RP9: variants seen among roughly 807,000 people sequenced by gnomAD.
The protein encoded by RP9 is RP9 pre-mRNA splicing factor.
In RP9, 23 loss-of-function variants were observed where a neutral mutation model predicts 32.6. The ratio of observed to expected loss-of-function variants is 0.71; its 90% CI spans 0.51 to 1.00. The LOEUF is 1.00. RP9 is among the 50% of genes least tolerant of loss of function. The probability of loss-of-function intolerance (pLI) is 0.00; values close to 1 mark genes in which losing one functional copy is unlikely to be tolerated. For synonymous variants in RP9, 94 were observed against 103.6 expected (o/e 0.91, Z 0.56); for missense variants, 245 against 285.3 (o/e 0.86, Z 1.02).
intron 5 of RP9, among the ~76,000 whole-genome samples, 169 bp from the exon 6 acceptor site, chr7:33,095,601 C>G (rs1562618439): frequency 6.6e-6 from 1 of 152,202 alleles, no homozygotes; most frequent in East Asian, 1.9e-4. Flanking sequence ...TGAATGCCTA[C>G]TTTACGTGAC....
At chr7:33,097,152 G>T in intron 4 of RP9, 119 bp downstream of exon 4, 1 of 773,116 alleles carries the variant, frequency 1.3e-6, no homozygotes, top group Non-Finnish European at 2.3e-6. Context: ...ACACACTTTG[G>T]TCAAAGGGCT....
intron 3 of RP9, among the ~76,000 whole-genome samples, chr7:33,098,449 G>A (rs931955216): frequency 5.9e-5 from 9 of 152,188 alleles, no homozygotes; most frequent in African/African-American, 2.2e-4. Context: ...TGGCCAGGGA[G>A]ACCAGGGAGA....
At chr7:33,104,258 G>A (rs376185403) in intron 1 of RP9, among the ~76,000 whole-genome samples, 77 of 152,200 alleles carry the variant, frequency 5.1e-4, no homozygotes, top group African/African-American at 1.8e-3. Flanking sequence ...AAGAAAAAAA[G>A]AGTCAACTGC....
Position 33,099,325 on chromosome 7 carries a change from C to T in RP9, c.295G>A (p.Glu99Lys). 6.2e-7 allele frequency: 1 copy of T among 1,613,512 alleles called. No homozygotes were observed. Among genetic ancestry groups the T allele is most frequent in the Non-Finnish European group, 8.5e-7 (1 of 1,180,012 alleles). ...CACTCACACTGCATAACTTTGACTT[C>T]TTTCCCCAGTGGCATCCAAAGTCCT... is the stretch of plus-strand genomic sequence containing the variant. ...TKGLWMPLGK[E>K]VKVMQCWRCK... is the part of the protein sequence containing the mutation. The change falls in exon 3 of 6, where the codon GAA becomes AAA. Residue 99 changes from glutamate to lysine, a missense_variant. Glu to Lys is a moderately conservative substitution (Grantham distance 56). Transcript: ENST00000297157.
At chr7:33,097,863 G>A (rs895926894) in intron 3 of RP9, among the ~76,000 whole-genome samples, 5 of 151,944 alleles carry the variant, frequency 3.3e-5, no homozygotes, top group African/African-American at 7.2e-5. Context: ...CAGGTGATCC[G>A]CCCGCCTCAG....
chr7:33,106,617 T>C (rs936756323), intron 1 of RP9, among the ~76,000 whole-genome samples: 1 of 152,156 alleles, frequency 6.6e-6, no homozygotes, highest in Non-Finnish European at 1.5e-5. Flanking sequence ...GTCTAAGATG[T>C]TGAATTGATG....
At chr7:33,108,704 A>C (rs1198566620) in intron 1 of RP9, among the ~76,000 whole-genome samples, 1 of 152,070 alleles carries the variant, frequency 6.6e-6, no homozygotes, top group Non-Finnish European at 1.5e-5. Context: ...AAAGGTCTCC[A>C]CCACGCCCCA....
chr7:33,100,818 T>G, intron 1 of RP9: 1 of 635,732 alleles, frequency 1.6e-6, no homozygotes, highest in African/African-American at 1.8e-5. Flanking sequence ...AGACCCAGAA[T>G]GCTGAGCACG....
chr7:33,096,179 G>A (rs1406935958), intron 5 of RP9, among the ~76,000 whole-genome samples: 2 of 152,238 alleles, frequency 1.3e-5, no homozygotes, highest in Non-Finnish European at 2.9e-5. Flanking sequence ...AGACTCTGGA[G>A]AAGATAAACT....
At chr7:33,096,417 C>T in intron 5 of RP9, 76 bp downstream of exon 5, 1 of 999,660 alleles carries the variant, frequency 1.0e-6, no homozygotes, top group Admixed American at 1.7e-5. Flanking sequence ...ATTCCTCTAA[C>T]ACTAGAGTGG....
In RP9 at chr7:33,095,555, T is replaced by C. The variant is rs115234305; in HGVS notation, c.468-123A>G. On this transcript the variant is annotated intron_variant, in intron 5 of 5. Transcript: ENST00000297157. ...GAATAACCATGTCACAAAGACAGTATTTTTATTTTTACCTGTTTTCTCATT... is the reference window on the plus strand; with the variant it reads ...GAATAACCATGTCACAAAGACAGTACTTTTATTTTTACCTGTTTTCTCATT... 3.2e-4 allele frequency: 483 copies of C among 1,493,514 alleles called. 6 individuals carry two copies. The African/African-American group carries it at 5.8e-3, about 18-fold the overall frequency. 92.5% of individuals were successfully genotyped at this position (1,493,514 alleles called of 1,614,324 possible).
chr7:33,096,443 T>C (rs980341331), intron 5 of RP9, 50 bp downstream of exon 5: 6 of 1,348,664 alleles, frequency 4.4e-6, no homozygotes, highest in Non-Finnish European at 6.4e-6. Flanking sequence ...TCCAACTTTA[T>C]ATAATTTTAA....
At chr7:33,103,078 A>T (rs1194209985) in intron 1 of RP9, among the ~76,000 whole-genome samples, 1 of 152,256 alleles carries the variant, frequency 6.6e-6, no homozygotes, top group Admixed American at 6.5e-5. Flanking sequence ...GTGAAAAAAT[A>T]AAAAGGCCAT....
chr7:33,096,554 C>A lies in RP9; in HGVS notation c.406G>T (p.Ala136Ser). The change falls in exon 5 of 6, where the codon GCA (alanine) becomes TCA (serine). Residue 136 changes from alanine (A) to serine (S), a missense_variant and splice_region_variant. Physicochemically the swap from Ala to Ser is moderately conservative, Grantham distance 99. This residue lies in a region of RP9 where 63 missense variants were observed against 109.8 expected (regional missense o/e 0.57). Coordinates refer to ENST00000297157, the MANE Select transcript of RP9 (RefSeq NM_203288.2). ...ATGTCATACATGGGATCTTCATGTG[C>A]CTTAAGGGTCAGAGAAGGTTAAGGT... ...GNQKLEQFRV[A>S]HEDPMYDIIR... 1 of 1,609,008 alleles carries A rather than the reference C, an allele frequency of 6.2e-7. No individual in the cohort carries two copies.
chr7:33,098,256 G>A (rs73093571), intron 3 of RP9, among the ~76,000 whole-genome samples: 17,854 of 152,068 alleles, frequency 0.12, 1,530 homozygotes, highest in Non-Finnish European at 0.18. Context: ...GCCTGGTGGC[G>A]CATGCCTGTA....
rs759717912 is a variant in RP9 at position 33,096,473 on chromosome 7, T to C, written c.467+20A>G. 28 of 1,573,948 alleles carry C rather than the reference T, an allele frequency of 1.8e-5. No homozygotes were observed. The highest frequency in any genetic ancestry group is 2.4e-5 in the Non-Finnish European group (27 of 1,143,582). ...TTTTAAAACTTTAAGGGGATATTGT[T>C]ATCATCAGGACGACCTCACCTTACG... On this transcript the variant is annotated intron_variant, in intron 5 of 5. Coordinates refer to ENST00000297157, the MANE Select transcript of RP9 (RefSeq NM_203288.2).
At chr7:33,101,585 G>C (rs548860919) in intron 1 of RP9, among the ~76,000 whole-genome samples, 66 of 143,444 alleles carry the variant, frequency 4.6e-4, no homozygotes, top group African/African-American at 1.5e-3. Context: ...CTGGGAGACA[G>C]AGTGAGACTC....
chr7:33,097,429 A>C (rs1788355382), intron 3 of RP9, 67 bp from the exon 4 acceptor site: 1 of 1,142,936 alleles, frequency 8.7e-7, no homozygotes, highest in Admixed American at 1.9e-5. Flanking sequence ...AAGAATCAGC[A>C]GAATATATTC....
chr7:33,109,163 G>A lies in RP9; in HGVS notation c.152+58C>T. The A allele has an allele frequency of 2.7e-6, 4 of 1,465,578 alleles. No homozygotes were observed. The highest frequency in any genetic ancestry group is 3.6e-6 in the Non-Finnish European group (4 of 1,109,586). 90.8% of individuals were successfully genotyped at this position (1,465,578 alleles called of 1,614,324 possible). ...CCTAGCGCCCACCGCGGCGTCCCGC[G>A]CCCCGGGCCCCTGGCTTCAGAAGAC... On this transcript the variant is annotated intron_variant, in intron 1 of 5. Coordinates refer to ENST00000297157, the MANE Select transcript of RP9 (RefSeq NM_203288.2). The surrounding 1 kb of genome is among the most constrained non-coding windows in gnomAD (Gnocchi z 4.9).
Sources: gnomAD v4.1 joint callset for allele counts (sites outside exome capture counted in the v4.1 genomes callset) on GRCh38, gnomAD v4.1.1 for gene constraint, gnomAD v4.1.1 regional missense constraint, Gnocchi (gnomAD v3.1) non-coding constraint, MANE v1.5 for transcripts, NCBI Gene and HGNC (gene_info 2026-07-23, HGNC 2026-07-21) for gene names.